The following EPS8 variants were observed in gnomAD, a reference collection of about 807,000 sequenced individuals.
EPS8 encodes EGFR pathway substrate 8, signaling adaptor.
In EPS8, 42 loss-of-function variants were observed where a neutral mutation model predicts 103.8. The ratio of observed to expected loss-of-function variants is 0.40; its 90% confidence interval spans 0.32 to 0.52. The LOEUF (loss-of-function observed/expected upper bound fraction) is 0.52. Among genes scored for constraint, EPS8 ranks in the 20% least tolerant of loss-of-function variants. EPS8 has a pLI of 0.40. For synonymous variants in EPS8, 344 were observed against 344.6 expected (o/e 1.00, Z 0.02); for missense variants, 969 against 1,005.1 (o/e 0.96, Z 0.49).
At chr12:15,638,459 T>C (rs1945173563) in intron 17 of EPS8, among the ~76,000 whole-genome samples, 1 of 152,168 alleles carries the variant, frequency 6.6e-6, no homozygotes, top group Non-Finnish European at 1.5e-5. Context: ...TTGTTTTTAA[T>C]ACATTTTCAA....
chr12:15,652,896 G>C (rs1225518329), intron 13 of EPS8, among the ~76,000 whole-genome samples: 2 of 152,032 alleles, frequency 1.3e-5, no homozygotes, highest in Non-Finnish European at 1.5e-5. Context: ...AAAAGCATTA[G>C]GAAGACAAAT....
intron 17 of EPS8, among the ~76,000 whole-genome samples, chr12:15,632,946 G>T (rs1298488428): frequency 3.3e-5 from 5 of 152,134 alleles, no homozygotes; most frequent in African/African-American, 1.2e-4. Flanking sequence ...GAAGTGGGAA[G>T]CGTATTATGA....
In EPS8 at chr12:15,781,451, C is replaced by T. The variant is rs1947260037; in HGVS notation, c.-22+7710G>A. On this transcript the variant is annotated intron_variant, in intron 1 of 20. Transcript: ENST00000281172. This position sits in a 1 kb window ranked among gnomAD's most constrained non-coding sequence, Gnocchi z 4.1. The stretch of plus-strand genomic sequence containing the variant: ...GGTCCCTTTCTCCCCATGTGTGACA[C>T]AAGTCACTTTTTCTTTCTGGGCCTA... Among the ~76,000 whole-genome samples, 1 of 152,154 alleles carries T rather than the reference C, an allele frequency of 6.6e-6. No individual in the cohort carries two copies. Among genetic ancestry groups the T allele is most frequent in the African/African-American group, 2.4e-5 (1 of 41,416 alleles).
chr12:15,624,941 A>G (rs576717994), intron 18 of EPS8, among the ~76,000 whole-genome samples: 70 of 152,294 alleles, frequency 4.6e-4, no homozygotes, highest in African/African-American at 1.7e-3. Flanking sequence ...ACAACATTCT[A>G]TAATGTCAGC....
intron 1 of EPS8, chr12:15,732,791 G>C: frequency 1.0e-6 from 1 of 979,992 alleles, no homozygotes; most frequent in Non-Finnish European, 1.2e-6. Flanking sequence ...GGCCACAGGA[G>C]AATAAAACTC....
At position 15,625,993 on chromosome 12, in the gene EPS8, T is replaced by C. The variant is rs145774794; in HGVS notation, c.2045-1586A>G. Among the ~76,000 whole-genome samples the C allele has an allele frequency of 5.0e-3, 755 of 152,362 alleles. 6 individuals carry two copies. The highest frequency in any genetic ancestry group is 7.5e-3 in the Non-Finnish European group (510 of 68,036). On this transcript the variant is annotated intron_variant, in intron 18 of 20. Coordinates refer to ENST00000281172, the MANE Select transcript of EPS8 (RefSeq NM_004447.6). The stretch of plus-strand genomic sequence containing the variant: ...GCTCAAATGCATGTCAAATATAGCA[T>C]GCCCAAACCTGAATTCCCGATCTTC...
At chr12:15,645,892 A>T (rs1184827389) in intron 15 of EPS8, among the ~76,000 whole-genome samples, 1 of 152,208 alleles carries the variant, frequency 6.6e-6, no homozygotes, top group Non-Finnish European at 1.5e-5. Context: ...TTTTCTAGCT[A>T]CTTAGCTGTG....
intron 1 of EPS8, among the ~76,000 whole-genome samples, chr12:15,766,845 T>G (rs1374726725): frequency 1.3e-5 from 2 of 152,188 alleles, no homozygotes; most frequent in East Asian, 1.9e-4. Context: ...TTCTTTGAAA[T>G]AAGCCAAAAT....
At position 15,751,506 on chromosome 12, in the gene EPS8, C is replaced by A. The variant is rs966302012; in HGVS notation, c.-22+37655G>T. Among the ~76,000 whole-genome samples the A allele has an allele frequency of 1.3e-5, 2 of 152,134 alleles. No homozygotes were observed. Among genetic ancestry groups the A allele is most frequent in the South Asian group, 2.1e-4 (1 of 4,826 alleles). ...ATCCCAGTCCTAAAAAGCTCACATTCAAGTGTCCTCCAGACAAACCGGTCA... is the reference window on the plus strand; with the variant it reads ...ATCCCAGTCCTAAAAAGCTCACATTAAAGTGTCCTCCAGACAAACCGGTCA... On this transcript the variant is annotated intron_variant, in intron 1 of 20. Transcript: ENST00000281172. The surrounding 1 kb of genome is among the most constrained non-coding windows in gnomAD (Gnocchi z 4.3).
chr12:15,635,425 T>C (rs890820068), intron 17 of EPS8, among the ~76,000 whole-genome samples: 2 of 152,200 alleles, frequency 1.3e-5, no homozygotes. Flanking sequence ...TCTTCTGATA[T>C]TAATTTTTAA....
At chr12:15,708,923 G>T (rs1004527392) in intron 1 of EPS8, among the ~76,000 whole-genome samples, 2 of 152,200 alleles carry the variant, frequency 1.3e-5, no homozygotes, top group Non-Finnish European at 2.9e-5. Context: ...TATGCAACAT[G>T]ATTTAAAACA....
chr12:15,668,222 TAGA>T (rs1258123740), intron 6 of EPS8, among the ~76,000 whole-genome samples: 5 of 152,316 alleles, frequency 3.3e-5, no homozygotes, highest in Non-Finnish European at 7.3e-5. Flanking sequence ...CCAGTTCTTT[TAGA>T]AGAAGGTTTT....
In EPS8 at chr12:15,621,085, A is replaced by G. The variant is rs951626596; in HGVS notation, c.*232T>C. On this transcript the variant is annotated 3_prime_UTR_variant, in exon 21 of 21. Transcript: ENST00000281172. The stretch of plus-strand genomic sequence containing the variant: ...AATTAAGGAAACTTCACCTTGGTAA[A>G]GTAAGAAAAATATTTTCCAAGGTCA... 2.5e-6 allele frequency: 1 copy of G among 403,286 alleles called. No homozygotes were observed. Among genetic ancestry groups the G allele is most frequent in the African/African-American group, 2.1e-5 (1 of 47,726 alleles). The allele number at this position is 403,286 out of a possible 1,614,324, so 25.0% of individuals were successfully genotyped here.
At chr12:15,630,681 T>C (rs973092851) in intron 18 of EPS8, among the ~76,000 whole-genome samples, 1 of 152,150 alleles carries the variant, frequency 6.6e-6, no homozygotes, top group Non-Finnish European at 1.5e-5. Context: ...CTACTGTGAA[T>C]AGCAAACAAG....
rs1242639103 is a variant in EPS8, at chr12:15,665,910, A to G, written c.600-18T>C. The G allele has an allele frequency of 6.2e-7, 1 of 1,611,720 alleles. No homozygotes were observed. Among genetic ancestry groups the G allele is most frequent in the African/African-American group, 1.3e-5 (1 of 74,826 alleles). On this transcript the variant is annotated intron_variant, in intron 7 of 20. Transcript: ENST00000281172. Reference sequence around the variant, plus strand: ...AAATCATCCTTAAAAAGATGAAAACAAATAGAATTTTTACCATCTCTATTT... The same window carrying G: ...AAATCATCCTTAAAAAGATGAAAACGAATAGAATTTTTACCATCTCTATTT...
rs979752223 is a variant in EPS8, at chr12:15,730,885, T to TA, written c.-21-47914dup. Among the ~76,000 whole-genome samples, 419 of 146,186 alleles carry TA rather than the reference T, an allele frequency of 2.9e-3. 3 individuals are homozygous for TA. Among genetic ancestry groups the TA allele is most frequent in the African/African-American group, 7.4e-3 (294 of 39,874 alleles). ...AAAATAATTGCATCTCCCATATAAC[T>TA]AAAAAAAAAAGAGATACAAATGGCA... On this transcript the variant is annotated intron_variant, in intron 1 of 20. Transcript: ENST00000281172.
chr12:15,737,353 TA>T (rs1450654284), intron 1 of EPS8, among the ~76,000 whole-genome samples: 2 of 151,972 alleles, frequency 1.3e-5, no homozygotes, highest in Non-Finnish European at 2.9e-5. Context: ...ACAAACAAAA[TA>T]GTTTAGAAAA....
At chr12:15,660,822 GT>G (rs546287051) in intron 9 of EPS8, 82 bp from the exon 10 acceptor site, 12 of 813,654 alleles carry the variant, frequency 1.5e-5, no homozygotes, top group African/African-American at 1.2e-4. Context: ...TAATAGAAAG[GT>G]TTTTTTAGAA....
At chr12:15,667,123 C>T (rs780639147) in intron 6 of EPS8, among the ~76,000 whole-genome samples, 7 of 152,098 alleles carry the variant, frequency 4.6e-5, no homozygotes, top group Non-Finnish European at 1.0e-4. Context: ...TTAGCAGATA[C>T]GAAGTTTCTG....
Sources: allele counts gnomAD v4.1 joint callset (sites outside exome capture counted in the v4.1 genomes callset), GRCh38; gene constraint gnomAD v4.1.1; non-coding constraint Gnocchi (gnomAD v3.1); transcripts MANE v1.5; gene names NCBI Gene and HGNC (gene_info 2026-07-23, HGNC 2026-07-21).